Variants in CDH20 observed in about 807,000 individuals in gnomAD.
CDH20 encodes the protein cadherin 20, also known as cadherin-20.
Under a neutral mutation model 74.2 loss-of-function variants are expected in CDH20, and 29 were observed. That is an observed-to-expected ratio of 0.39 (90% CI 0.29 to 0.53). The LOEUF is 0.53. Ranked by LOEUF, CDH20 falls within the 20% of genes least tolerant of loss-of-function variation. The probability of loss-of-function intolerance (pLI) is 0.69; values close to 1 mark genes in which losing one functional copy is unlikely to be tolerated. For missense variants in CDH20, 988 were observed against 1,048.3 expected (o/e 0.94, Z 0.79); for synonymous variants, 469 against 405.4 (o/e 1.16, Z -1.88).
chr18:61,339,537 C>T (rs778180299), intron 1 of CDH20, among the ~76,000 whole-genome samples: 1 of 152,094 alleles, frequency 6.6e-6, no homozygotes, highest in Non-Finnish European at 1.5e-5. Context: ...CTCTTTCCAT[C>T]TTTACGTTCA....
chr18:61,553,525 T>C (rs1913507162), intron 11 of CDH20, among the ~76,000 whole-genome samples: 1 of 152,190 alleles, frequency 6.6e-6, no homozygotes, highest in Non-Finnish European at 1.5e-5. Context: ...CTTCCATAAA[T>C]ACCCTTGGGT....
intron 1 of CDH20, among the ~76,000 whole-genome samples, chr18:61,367,950 C>G (rs1470907011): frequency 6.6e-6 from 1 of 151,980 alleles, no homozygotes; most frequent in Admixed American, 6.6e-5. Context: ...ATGTCCTCTT[C>G]TTATAAGGAC....
chr18:61,447,804 C>T (rs1175979937), intron 1 of CDH20, among the ~76,000 whole-genome samples: 6 of 152,088 alleles, frequency 3.9e-5, no homozygotes, highest in East Asian at 1.9e-4. Context: ...TCCGTGTTGC[C>T]GACTCTCACA....
chr18:61,372,498 C>A (rs934715861), intron 1 of CDH20, among the ~76,000 whole-genome samples: 6 of 152,022 alleles, frequency 3.9e-5, no homozygotes, highest in African/African-American at 1.4e-4. Context: ...CCCTAGGGAG[C>A]AATATCTACC....
intron 9 of CDH20, 103 bp downstream of exon 9, chr18:61,539,248 G>A (rs72995650): frequency 0.014 from 15,136 of 1,118,704 alleles, 169 homozygotes; most frequent in South Asian, 0.034. Context: ...CTCCAGAAAC[G>A]AACAGTTCAC....
intron 6 of CDH20, among the ~76,000 whole-genome samples, chr18:61,526,049 G>C (rs528447195): frequency 7.2e-6 from 1 of 139,738 alleles, no homozygotes; most frequent in Non-Finnish European, 1.5e-5. Context: ...GGCCTCAAGC[G>C]ATTCTCCCAC....
At chr18:61,417,448 T>TTCAG (rs1432910003) in intron 1 of CDH20, among the ~76,000 whole-genome samples, 1 of 151,800 alleles carries the variant, frequency 6.6e-6, no homozygotes, top group Non-Finnish European at 1.5e-5. Flanking sequence ...CAGAATAGTA[T>TTCAG]TCAGTCATTA....
chr18:61,532,516 C>A (rs960735211), intron 7 of CDH20, among the ~76,000 whole-genome samples: 3 of 139,494 alleles, frequency 2.2e-5, no homozygotes, highest in Admixed American at 7.9e-5. Context: ...CAACTGTATA[C>A]ATGTGTGTAT....
chr18:61,355,541 T>C (rs1163946213), intron 1 of CDH20, among the ~76,000 whole-genome samples: 1 of 152,178 alleles, frequency 6.6e-6, no homozygotes, highest in East Asian at 1.9e-4. Flanking sequence ...AAAGTGTCTA[T>C]ATGGAGGCAA....
chr18:61,447,382 G>T (rs995925414), intron 1 of CDH20, among the ~76,000 whole-genome samples: 1 of 152,160 alleles, frequency 6.6e-6, no homozygotes, highest in South Asian at 2.1e-4. Context: ...CCCCTAAAAC[G>T]TTAAGTATGG....
chr18:61,526,090 C>G (rs1448947721), intron 6 of CDH20, among the ~76,000 whole-genome samples: 2 of 146,040 alleles, frequency 1.4e-5, no homozygotes, highest in African/African-American at 5.1e-5. Flanking sequence ...GGCTTACAGG[C>G]ATGAACCACT....
intron 2 of CDH20, among the ~76,000 whole-genome samples, chr18:61,497,331 C>T (rs911993777): frequency 6.6e-6 from 1 of 152,172 alleles, no homozygotes; most frequent in African/African-American, 2.4e-5. Flanking sequence ...AGCTCAAAGC[C>T]AGCCACAACC....
chr18:61,345,656 T>C (rs377095875), intron 1 of CDH20, among the ~76,000 whole-genome samples: 15 of 152,308 alleles, frequency 9.8e-5, no homozygotes, highest in African/African-American at 3.6e-4. Flanking sequence ...TTTACATTAT[T>C]TCTTAGGGGA....
In CDH20 at chr18:61,358,116, C is replaced by CT. The variant is rs778820209; in HGVS notation, c.-153+24304dup. Among the ~76,000 whole-genome samples the CT allele has an allele frequency of 3.2e-3, 438 of 138,106 alleles. 1 individual carries two copies. The highest frequency in any genetic ancestry group is 5.5e-3 in the African/African-American group (207 of 37,900). The allele number at this position is 138,106 out of a possible 152,430, so 90.6% of individuals were successfully genotyped here. A position where few individuals can be genotyped will look rare whatever the true frequency, so the allele number is the denominator to read the frequency against. On this transcript the variant is annotated intron_variant, in intron 1 of 11. Transcript: ENST00000262717. ...TTTTATTTTGCTTCTGTTATTGTTC[C>CT]TTTTTTTTTTTTTTTCGAGATGGAG...
rs1167352245 is a variant in CDH20, at chr18:61,499,491, G to A, written c.541+11G>A. 2 of 1,583,996 alleles carry A rather than the reference G, an allele frequency of 1.3e-6. No homozygotes were observed. Among genetic ancestry groups the A allele is most frequent in the South Asian group, 2.3e-5 (2 of 87,036 alleles). Reference sequence around the variant, plus strand: ...AAATGTCCCCTGTGGGTAAGGTGGTGACTCGCTGATTTTCACAAATAGCAC... The same window carrying A: ...AAATGTCCCCTGTGGGTAAGGTGGTAACTCGCTGATTTTCACAAATAGCAC... On this transcript the variant is annotated intron_variant, in intron 3 of 11. Transcript: ENST00000262717.
At chr18:61,352,279 C>T (rs1568106329) in intron 1 of CDH20, among the ~76,000 whole-genome samples, 1 of 152,148 alleles carries the variant, frequency 6.6e-6, no homozygotes, top group Non-Finnish European at 1.5e-5. Context: ...TGAGCTGTAG[C>T]AGCATTGAGA....
chr18:61,378,948 T>C (rs1028522846), intron 1 of CDH20, among the ~76,000 whole-genome samples: 3 of 152,120 alleles, frequency 2.0e-5, no homozygotes, highest in African/African-American at 7.2e-5. Context: ...GAAAATATTA[T>C]AATAAATTAA....
chr18:61,540,276 C>T (rs370857667), intron 9 of CDH20, among the ~76,000 whole-genome samples: 14 of 152,266 alleles, frequency 9.2e-5, no homozygotes, highest in East Asian at 5.8e-4. Context: ...GCTGGGGAAG[C>T]GCATATTGAT....
intron 1 of CDH20, among the ~76,000 whole-genome samples, chr18:61,402,581 T>C (rs911852288): frequency 8.5e-5 from 13 of 152,182 alleles, no homozygotes; most frequent in Admixed American, 3.3e-4. Context: ...ATAACCTGCC[T>C]GATGGTATTA....
Sources: gnomAD v4.1 joint callset for allele counts (sites outside exome capture counted in the v4.1 genomes callset) on GRCh38, gnomAD v4.1.1 for gene constraint, MANE v1.5 for transcripts, NCBI Gene and HGNC (gene_info 2026-07-23, HGNC 2026-07-21) for gene names.